DCC: variants seen among roughly 807,000 people sequenced by gnomAD.
The protein encoded by DCC is netrin receptor DCC.
DCC carries 58 observed loss-of-function variants against 172.5 expected under a neutral mutation model. The observed-to-expected ratio is 0.34, with a 90% CI of 0.27 to 0.42. The LOEUF (loss-of-function observed/expected upper bound fraction) is 0.42. Ranked by LOEUF, DCC falls within the 10% of genes least tolerant of loss-of-function variation. DCC has a pLI of 1.00. For synonymous variants in DCC, 709 were observed against 644.5 expected, an observed-to-expected ratio of 1.10 and a Z score of -1.52; for missense variants, 1,740 against 1,791.0, an observed-to-expected ratio of 0.97 and a Z score of 0.51.
intron 1 of DCC, among the ~76,000 whole-genome samples, chr18:52,490,769 G>T (rs73448698): frequency 0.032 from 4,825 of 152,094 alleles, 273 homozygotes; most frequent in African/African-American, 0.11. Flanking sequence ...TTGTTTTGGG[G>T]TATTAGGGAC....
intron 12 of DCC, among the ~76,000 whole-genome samples, chr18:53,219,831 A>G (rs535009439): frequency 7.2e-5 from 11 of 152,288 alleles, no homozygotes; most frequent in Admixed American, 2.0e-4. Flanking sequence ...ACAGTAGGAG[A>G]ACAGCAAGTT....
chr18:52,877,244 C>G (rs1943099), intron 2 of DCC, among the ~76,000 whole-genome samples: 1 of 152,094 alleles, frequency 6.6e-6, no homozygotes, highest in Non-Finnish European at 1.5e-5. Context: ...CTTCCACTTA[C>G]CAAACACCTA....
chr18:52,984,665 T>C (rs536326717), intron 5 of DCC, among the ~76,000 whole-genome samples: 5 of 152,242 alleles, frequency 3.3e-5, no homozygotes, highest in South Asian at 2.1e-4. Context: ...TTGCCAATCA[T>C]AATTATTTTG....
intron 5 of DCC, among the ~76,000 whole-genome samples, chr18:52,968,091 C>G (rs2145580787): frequency 6.6e-6 from 1 of 152,304 alleles, no homozygotes; most frequent in South Asian, 2.1e-4. Context: ...ACCATCTATA[C>G]TGGTCCAAGA....
At position 52,942,608 on chromosome 18, in the gene DCC, G is replaced by A. The variant is rs569713150; in HGVS notation, c.985+17238G>A. Among the ~76,000 whole-genome samples, 29 of 152,302 alleles carry A rather than the reference G, an allele frequency of 1.9e-4. No individual in the cohort carries two copies. The South Asian group carries it at 6.0e-3, about 32-fold the overall frequency. On this transcript the variant is annotated intron_variant, in intron 5 of 28. Transcript: ENST00000442544. ...CTTCTTACATGGCAGTGGCAAAAGA[G>A]AAAGAGAGATGCAAAAGCACAAACC... is the stretch of plus-strand genomic sequence containing the variant.
chr18:53,018,831 G>T lies in DCC; in HGVS notation c.986-44474G>T, dbSNP rs138467811. ...ACAAAAACTGAAATAATTGCATTTG[G>T]ACTTTCCTACATATACTATCTTTAT... is the stretch of plus-strand genomic sequence containing the variant. On this transcript the variant is annotated intron_variant, in intron 5 of 28. Coordinates refer to ENST00000442544, the MANE Select transcript of DCC (RefSeq NM_005215.4). 2.8e-3 allele frequency among the ~76,000 whole-genome samples: 427 copies of T among 152,188 alleles called. 1 individual carries two copies. Among genetic ancestry groups the T allele is most frequent in the Non-Finnish European group, 5.2e-3 (353 of 67,992 alleles).
At chr18:53,106,420 A>T (rs958050400) in intron 7 of DCC, among the ~76,000 whole-genome samples, 1 of 151,860 alleles carries the variant, frequency 6.6e-6, no homozygotes, top group Admixed American at 6.6e-5. Context: ...TGGGCATGTT[A>T]TTCTCTCCAG....
chr18:53,096,705 C>T (rs918862185), intron 7 of DCC, among the ~76,000 whole-genome samples: 49 of 151,868 alleles, frequency 3.2e-4, no homozygotes, highest in African/African-American at 1.1e-3. Context: ...TACTAGATAC[C>T]GCTAGGGAGA....
intron 1 of DCC, among the ~76,000 whole-genome samples, chr18:52,651,899 C>G (rs1397049532): frequency 1.3e-5 from 2 of 152,028 alleles, no homozygotes; most frequent in Non-Finnish European, 2.9e-5. Flanking sequence ...ATTTGCAGAA[C>G]ATAAGTGGGA....
chr18:52,926,619 T>C (rs1323122088), intron 5 of DCC, among the ~76,000 whole-genome samples: 4 of 151,646 alleles, frequency 2.6e-5, no homozygotes, highest in Non-Finnish European at 5.9e-5. Context: ...GATTTGGTTA[T>C]GGAATACGCT....
At chr18:52,457,462 C>G (rs929464446) in intron 1 of DCC, among the ~76,000 whole-genome samples, 1 of 152,144 alleles carries the variant, frequency 6.6e-6, no homozygotes, top group Non-Finnish European at 1.5e-5. Context: ...GGGTCACCAA[C>G]ACAGTGATGG....
At chr18:52,430,355 A>G in intron 1 of DCC, among the ~76,000 whole-genome samples, 1 of 72,350 alleles carries the variant, frequency 1.4e-5, no homozygotes, top group South Asian at 7.0e-4. Context: ...GTGAGGGAGA[A>G]AAAAAAAGAT....
intron 2 of DCC, among the ~76,000 whole-genome samples, chr18:52,819,514 G>A (rs1169276034): frequency 6.6e-6 from 1 of 151,984 alleles, no homozygotes; most frequent in Non-Finnish European, 1.5e-5. Context: ...GATTCATGTG[G>A]TCTTACACTT....
At chr18:53,421,685 C>T (rs1416915121) in intron 21 of DCC, among the ~76,000 whole-genome samples, 1 of 152,204 alleles carries the variant, frequency 6.6e-6, no homozygotes, top group Non-Finnish European at 1.5e-5. Flanking sequence ...ACTGGGACCT[C>T]TTGTGTAATG....
chr18:52,507,963 T>C (rs2031294177), intron 1 of DCC, among the ~76,000 whole-genome samples: 1 of 152,084 alleles, frequency 6.6e-6, no homozygotes, highest in African/African-American at 2.4e-5. Context: ...TAGCCGTGCA[T>C]GGTGGCAGGC....
At chr18:53,103,615 A>G (rs2043204503) in intron 7 of DCC, among the ~76,000 whole-genome samples, 1 of 152,038 alleles carries the variant, frequency 6.6e-6, no homozygotes, top group Admixed American at 6.6e-5. Context: ...TGTCATTTGT[A>G]TTTGCTTATC....
chr18:52,697,402 G>A (rs984142176), intron 1 of DCC, among the ~76,000 whole-genome samples: 4 of 152,146 alleles, frequency 2.6e-5, no homozygotes, highest in Non-Finnish European at 5.9e-5. Context: ...ATCTACCTTA[G>A]GATTGAAGGA....
At chr18:53,369,828 T>C (rs1239832453) in intron 15 of DCC, among the ~76,000 whole-genome samples, 2 of 151,764 alleles carry the variant, frequency 1.3e-5, no homozygotes, top group East Asian at 1.9e-4. Flanking sequence ...CACTTGGCCT[T>C]AATATAATAT....
At chr18:52,595,212 C>G (rs1167056352) in intron 1 of DCC, among the ~76,000 whole-genome samples, 3 of 152,170 alleles carry the variant, frequency 2.0e-5, no homozygotes, top group Admixed American at 6.5e-5. Flanking sequence ...TATCGACTAA[C>G]AAGTCTTTGC....
Sources: gnomAD v4.1 joint callset for allele counts (sites outside exome capture counted in the v4.1 genomes callset) on GRCh38, gnomAD v4.1.1 for gene constraint, MANE v1.5 for transcripts, NCBI Gene and HGNC (gene_info 2026-07-23, HGNC 2026-07-21) for gene names.